TSC1: variants seen among roughly 807,000 people sequenced by gnomAD.
TSC1 encodes TSC complex subunit 1.
A neutral mutation model predicts 124.3 loss-of-function variants in TSC1; 20 were observed. The observed-to-expected ratio is 0.16, with a 90% CI of 0.11 to 0.23. The LOEUF (loss-of-function observed/expected upper bound fraction) is 0.23, where lower values mean the gene tolerates loss of function less well. Among genes scored for constraint, TSC1 ranks in the 10% least tolerant of loss-of-function variants. The pLI is 1.00. For missense variants in TSC1, 1,124 were observed against 1,448.5 expected, an observed-to-expected ratio of 0.78 and a Z score of 3.64; for synonymous variants, 493 against 539.1, an observed-to-expected ratio of 0.91 and a Z score of 1.19.
intron 8 of TSC1, among the ~76,000 whole-genome samples, chr9:132,919,455 C>T (rs1272856491): frequency 6.6e-6 from 1 of 152,134 alleles, no homozygotes; most frequent in Non-Finnish European, 1.5e-5. Flanking sequence ...CTACCAGCTC[C>T]CCTAGAGAAA....
At chr9:132,914,179 C>T (rs557281481) in intron 8 of TSC1, among the ~76,000 whole-genome samples, 2 of 152,050 alleles carry the variant, frequency 1.3e-5, no homozygotes, top group South Asian at 2.1e-4. Flanking sequence ...GGATTACAGG[C>T]GTGAGCCACT....
At chr9:132,928,102 G>C (rs770704614) in intron 3 of TSC1, among the ~76,000 whole-genome samples, 3 of 152,048 alleles carry the variant, frequency 2.0e-5, no homozygotes, top group African/African-American at 7.2e-5. Flanking sequence ...ACCTTCCCAC[G>C]TCAGCATCTA....
At position 132,896,706 on chromosome 9, in the gene TSC1, A is replaced by C. The variant is rs142954164; in HGVS notation, c.3024T>G (p.Asn1008Lys). The C allele has an allele frequency of 1.9e-5, 30 of 1,613,870 alleles. No individual in the cohort carries two copies. In the African/African-American group the frequency reaches 3.9e-4, roughly 21 times the overall value. ...CACCGTTGTGGCCAGATGCCTCTTCATTGTGCCCTACCATGGAATCTGAGC... is the reference window on the plus strand; with the variant it reads ...CACCGTTGTGGCCAGATGCCTCTTCCTTGTGCCCTACCATGGAATCTGAGC... ...DGCSDSMVGH[N>K]EEASGHNGET... Residue 1008 changes from asparagine to lysine, a missense_variant, in exon 23 of 23, where the codon AAT becomes AAG. Asn to Lys is a moderately conservative substitution (Grantham distance 94). Around this residue, in one of 5 missense-constraint regions of TSC1, gnomAD observed 325 missense variants for 383.4 expected, o/e 0.85. Transcript: ENST00000298552. This position sits in a 1 kb window ranked among gnomAD's most constrained non-coding sequence, Gnocchi z 4.5.
Position 132,921,717 on chromosome 9 carries a change from T to A in TSC1, c.663+102A>T. 6.7e-7 allele frequency: 1 copy of A among 1,503,382 alleles called. No individual in the cohort carries two copies. Among genetic ancestry groups the A allele is most frequent in the Non-Finnish European group, 9.2e-7 (1 of 1,084,048 alleles). The allele number at this position is 1,503,382 out of a possible 1,614,324, so 93.1% of individuals were successfully genotyped here. On this transcript the variant is annotated intron_variant, in intron 7 of 22. Transcript: ENST00000298552. This position sits in a 1 kb window ranked among gnomAD's most constrained non-coding sequence, Gnocchi z 4.3. Reference sequence around the variant, plus strand: ...GAGTGGCGAGGAAGAAAACTGAATTTCTTTTCAAAATTTCCCTGTCTGCCG... The same window carrying A: ...GAGTGGCGAGGAAGAAAACTGAATTACTTTTCAAAATTTCCCTGTCTGCCG...
intron 1 of TSC1, among the ~76,000 whole-genome samples, chr9:132,937,862 G>A (rs972776847): frequency 1.3e-5 from 2 of 151,992 alleles, no homozygotes; most frequent in Admixed American, 1.3e-4. Flanking sequence ...ATACAGGCAC[G>A]CACCACCATG....
chr9:132,896,358 G>C lies in TSC1; in HGVS notation c.3372C>G (p.Asp1124Glu), dbSNP rs1845038773. 2.5e-6 allele frequency: 4 copies of C among 1,614,224 alleles called. No individual in the cohort carries two copies. Among genetic ancestry groups the C allele is most frequent in the Non-Finnish European group, 3.4e-6 (4 of 1,180,036 alleles). Reference protein sequence around the residue: ...SESLKTELGKDLGVEAKIPLN... With the variant: ...SESLKTELGKELGVEAKIPLN... ...GGGGAATCTTGGCTTCCACACCCAA[G>C]TCTTTGCCCAGTTCTGTCTTTAGGC... is the stretch of plus-strand genomic sequence containing the variant. Residue 1124 changes from aspartate (D) to glutamate (E), a missense_variant, in exon 23 of 23, where the codon GAC becomes GAG. Coordinates refer to ENST00000298552, the MANE Select transcript of TSC1 (RefSeq NM_000368.5). The surrounding 1 kb of genome is among the most constrained non-coding windows in gnomAD (Gnocchi z 4.5).
chr9:132,926,292 C>T (rs965291551), intron 4 of TSC1: 9 of 181,022 alleles, frequency 5.0e-5, no homozygotes, highest in Non-Finnish European at 8.2e-5. Flanking sequence ...TGTGCCACCA[C>T]GCTCCAGTCT....
Position 132,923,193 on chromosome 9 carries a change from G to C in TSC1, c.508+155C>G, listed in dbSNP as rs1846658953. Among the ~76,000 whole-genome samples, 1 of 152,150 alleles carries C rather than the reference G, an allele frequency of 6.6e-6. No homozygotes were observed. Among genetic ancestry groups the C allele is most frequent in the African/African-American group, 2.4e-5 (1 of 41,428 alleles). On this transcript the variant is annotated intron_variant, in intron 6 of 22. Coordinates refer to ENST00000298552, the MANE Select transcript of TSC1 (RefSeq NM_000368.5). The surrounding 1 kb of genome is among the most constrained non-coding windows in gnomAD (Gnocchi z 4.2). ...CATGTTTCTTCTATGTGCCTGTAGT[G>C]GATGCACCCAAGATATTCCCTCATC...
At chr9:132,900,559 A>C in intron 20 of TSC1, 156 bp downstream of exon 20, 1 of 1,244,566 alleles carries the variant, frequency 8.0e-7, no homozygotes, top group Non-Finnish European at 1.2e-6. Flanking sequence ...TGGTGGCTGG[A>C]AAGTGCTTGT....
Position 132,906,144 on chromosome 9 carries a change from G to A in TSC1, c.1439-5C>T, listed in dbSNP as rs2131851498. ...AAAGTTCTCTAGATATTGCAGCTGA[G>A]AGGAAGAGAGGAAACAAAAGAAATG... On this transcript the variant is annotated splice_polypyrimidine_tract_variant and splice_region_variant and intron_variant, in intron 14 of 22. Coordinates refer to ENST00000298552, the MANE Select transcript of TSC1 (RefSeq NM_000368.5). This position sits in a 1 kb window ranked among gnomAD's most constrained non-coding sequence, Gnocchi z 4.1. 6.2e-7 allele frequency: 1 copy of A among 1,611,450 alleles called. No individual in the cohort carries two copies. Among genetic ancestry groups the A allele is most frequent in the Non-Finnish European group, 8.5e-7 (1 of 1,179,530 alleles).
In TSC1 at chr9:132,903,437, A is replaced by C. The variant is rs1176765594; in HGVS notation, c.2208+214T>G. Among the ~76,000 whole-genome samples the C allele has an allele frequency of 1.3e-5, 2 of 152,202 alleles. No homozygotes were observed. Among genetic ancestry groups the C allele is most frequent in the African/African-American group, 2.4e-5 (1 of 41,452 alleles). On this transcript the variant is annotated intron_variant, in intron 17 of 22. Transcript: ENST00000298552. The surrounding 1 kb of genome is among the most constrained non-coding windows in gnomAD (Gnocchi z 5.9). Reference sequence around the variant, plus strand: ...TCATCATGGCCAGTTACATGCAAACATACACACACAAAATCACTTGTCCCC... The same window carrying C: ...TCATCATGGCCAGTTACATGCAAACCTACACACACAAAATCACTTGTCCCC...
intron 8 of TSC1, among the ~76,000 whole-genome samples, chr9:132,916,946 G>GATTCCACCAAATCAC (rs1846296441): frequency 6.6e-6 from 1 of 152,200 alleles, no homozygotes; most frequent in Non-Finnish European, 1.5e-5. Flanking sequence ...TGGAATACAT[G>GATTCCACCAAATCAC]CTCCAGTGAT....
rs1847389320 is a variant in TSC1, at chr9:132,935,102, G to A, written c.-143-7C>T. The A allele has an allele frequency of 5.0e-6, 2 of 399,036 alleles. No homozygotes were observed. Among genetic ancestry groups the A allele is most frequent in the Non-Finnish European group, 4.4e-6 (1 of 226,068 alleles). The allele number at this position is 399,036 out of a possible 1,614,324, so 24.7% of individuals were successfully genotyped here. A position where few individuals can be genotyped will look rare whatever the true frequency, so the allele number is the denominator to read the frequency against. ...CTGGTGTCTTTCATGGTCACTGAAG[G>A]AAGAAAACATATGTACAATGAAGCA... On this transcript the variant is annotated splice_polypyrimidine_tract_variant and splice_region_variant and intron_variant, in intron 1 of 22. Transcript: ENST00000298552.
In TSC1 at chr9:132,905,735, T is replaced by A. The variant is rs2131819411; in HGVS notation, c.1843A>T (p.Thr615Ser). Residue 615 changes from threonine to serine, a missense_variant, in exon 15 of 23, where the codon ACA becomes TCA. By Grantham distance (58) the Thr-to-Ser change is moderately conservative (BLOSUM62 1). Around this residue, in one of 5 missense-constraint regions of TSC1, gnomAD observed 321 missense variants for 397.4 expected, o/e 0.81. Transcript: ENST00000298552. ...TTCCTGATGACAAAATGATGGGCTG[T>A]CTTTGGCAATGCCACCTCAAAAAGA... ...DHLFEVALPK[T>S]AHHFVIRKTE... 6.2e-7 allele frequency: 1 copy of A among 1,614,164 alleles called. No individual in the cohort carries two copies.
At chr9:132,934,874 C>T (rs904063436) in intron 2 of TSC1, among the ~76,000 whole-genome samples, 159 bp downstream of exon 2, 3 of 152,238 alleles carry the variant, frequency 2.0e-5, no homozygotes, top group South Asian at 2.1e-4. Flanking sequence ...ATACAAGCAA[C>T]TAATAATCAT....
rs768443391 is a variant in TSC1 at position 132,896,618 on chromosome 9, T to C, written c.3112A>G (p.Ser1038Gly). ...GSSGSRGGGG[S>G]SSSSSELSTP... is the part of the protein sequence containing the mutation. ...GAAAGCTCGCTGCTGCTGCTGCTGC[T>C]GCCTCCACCACCTCTGCTTCCACTA... The change falls in exon 23 of 23, where the codon AGC becomes GGC. Residue 1038 changes from serine to glycine, a missense_variant. Coordinates refer to ENST00000298552, the MANE Select transcript of TSC1 (RefSeq NM_000368.5). This position sits in a 1 kb window ranked among gnomAD's most constrained non-coding sequence, Gnocchi z 4.5. 7.4e-6 allele frequency: 12 copies of C among 1,613,564 alleles called. No individual in the cohort carries two copies. The highest frequency in any genetic ancestry group is 4.0e-5 in the African/African-American group (3 of 74,892).
Position 132,911,560 on chromosome 9 carries a change from T to A in TSC1, c.922A>T (p.Thr308Ser), listed in dbSNP as rs1845965349. Reference sequence around the variant, plus strand: ...CGAGACGTGGAGTAAGGGGTAGAAGTAGCACACCCTAAAATGGAAGAGAAG... The same window carrying A: ...CGAGACGTGGAGTAAGGGGTAGAAGAAGCACACCCTAAAATGGAAGAGAAG... ...ADTQNSYGCA[T>S]STPYSTSRLM... is the part of the protein sequence containing the mutation. The change falls in exon 10 of 23, where the codon ACT (threonine) becomes TCT (serine). Residue 308 changes from threonine to serine, a missense_variant. By Grantham distance (58) the Thr-to-Ser change is moderately conservative. Coordinates refer to ENST00000298552, the MANE Select transcript of TSC1 (RefSeq NM_000368.5). 6.3e-7 allele frequency: 1 copy of A among 1,578,898 alleles called. No individual in the cohort carries two copies. Among genetic ancestry groups the A allele is most frequent in the Non-Finnish European group, 8.6e-7 (1 of 1,164,556 alleles).
In TSC1 at chr9:132,910,580, G is replaced by T. The variant is rs1845894910; in HGVS notation, c.1254C>A (p.Pro418=). Residue 418 remains proline, a synonymous_variant, in exon 12 of 23, where the codon CCC becomes CCA. Transcript: ENST00000298552. ...ACGAGCTGGATCGCACCTTCCTGGG[G>T]GGTGTGACTGTGGCCTGGGGGAGTG... ...HISLPQATVT[P]PRKEERMDSA... 1 of 1,613,990 alleles carries T rather than the reference G, an allele frequency of 6.2e-7. No homozygotes were observed.
rs151309813 is a variant in TSC1, at chr9:132,912,344, C to T, written c.851G>A (p.Arg284His). ...GYSVSHQISARFPHRSADVTT... is the reference protein window; with the variant it reads ...GYSVSHQISAHFPHRSADVTT... ...GACATCGGCTGAACGATGAGGAAAG[C>T]GGGCTGAGATTTGGTGAGACACAGA... The change falls in exon 9 of 23, where the codon CGC becomes CAC. Residue 284 changes from arginine (R) to histidine (H), a missense_variant. By Grantham distance (29) the Arg-to-His change is conservative. Coordinates refer to ENST00000298552, the MANE Select transcript of TSC1 (RefSeq NM_000368.5). The T allele has an allele frequency of 3.7e-5, 59 of 1,614,036 alleles. No individual in the cohort carries two copies. Among genetic ancestry groups the T allele is most frequent in the Middle Eastern group, 3.3e-4 (2 of 6,084 alleles).
Sources: allele counts gnomAD v4.1 joint callset (sites outside exome capture counted in the v4.1 genomes callset), GRCh38; gene constraint gnomAD v4.1.1; regional missense constraint gnomAD v4.1.1; non-coding constraint Gnocchi (gnomAD v3.1); transcripts MANE v1.5; gene names NCBI Gene and HGNC (gene_info 2026-07-23, HGNC 2026-07-21).